The following MBOAT7 variants were observed in gnomAD, a reference collection of about 807,000 sequenced individuals.
MBOAT7 encodes the protein membrane-bound acylglycerophosphatidylinositol O-acyltransferase MBOAT7.
In MBOAT7, 40 loss-of-function variants were observed where a neutral mutation model predicts 47.4. The ratio of observed to expected loss-of-function variants is 0.84; its 90% confidence interval spans 0.66 to 1.10. MBOAT7 has a LOEUF of 1.10. Ranked by LOEUF, MBOAT7 falls within the 50% of genes least tolerant of loss-of-function variation. The pLI is 0.00. For synonymous variants in MBOAT7, 361 were observed against 292.0 expected, an observed-to-expected ratio of 1.24 and a Z score of -2.41; for missense variants, 680 against 655.6, an observed-to-expected ratio of 1.04 and a Z score of -0.41.
At chr19:54,182,009 GGGAA>G (rs1344181007) in intron 5 of MBOAT7, among the ~76,000 whole-genome samples, 3 of 107,450 alleles carry the variant, frequency 2.8e-5, no homozygotes, top group African/African-American at 6.7e-5. Context: ...GAGGGAAGGA[GGGAA>G]GGAAGGAGGG....
intron 4 of MBOAT7, chr19:54,186,940 A>G (rs1277794236): frequency 2.2e-5 from 13 of 587,212 alleles, no homozygotes; most frequent in Admixed American, 6.4e-5. Flanking sequence ...CTGTTACCCT[A>G]TGTGGGTTAT....
At chr19:54,185,555 C>T (rs898996142) in intron 4 of MBOAT7, among the ~76,000 whole-genome samples, 3 of 152,194 alleles carry the variant, frequency 2.0e-5, no homozygotes, top group African/African-American at 7.2e-5. Flanking sequence ...CTACCCACAG[C>T]CAGCCAACGG....
intron 4 of MBOAT7, among the ~76,000 whole-genome samples, chr19:54,184,108 T>C (rs896472665): frequency 1.3e-5 from 2 of 151,364 alleles, no homozygotes; most frequent in Admixed American, 6.6e-5. Context: ...CACCAAATTG[T>C]TCAAGCCAAA....
Position 54,188,310 on chromosome 19 carries a change from C to T in MBOAT7, c.113G>A (p.Gly38Asp). The stretch of plus-strand genomic sequence containing the variant: ...ACAGGTGAACAGGGTGAGCCCCAGG[C>T]CCACAGCGGCTGCTCCCCATCTCTT... ...GLKRWGAAAVGLGLTLFTCGP... is the reference protein window; with the variant it reads ...GLKRWGAAAVDLGLTLFTCGP... Residue 38 changes from glycine to aspartate, a missense_variant, in exon 3 of 8, where the codon GGC becomes GAC. Gly to Asp is a moderately conservative substitution (Grantham distance 94). Transcript: ENST00000245615. The T allele has an allele frequency of 6.2e-7, 1 of 1,614,036 alleles. No homozygotes were observed. The highest frequency in any genetic ancestry group is 8.5e-7 in the Non-Finnish European group (1 of 1,179,970).
chr19:54,179,822 G>GAGT (rs2076214994), intron 6 of MBOAT7: 1 of 152,178 alleles, frequency 6.6e-6, no homozygotes, highest in South Asian at 2.1e-4. Flanking sequence ...CCCTAGCAGG[G>GAGT]AGTAGTAGTT....
At chr19:54,187,431 G>A (rs1296528121) in intron 3 of MBOAT7, 144 bp from the exon 4 acceptor site, 25 of 1,001,728 alleles carry the variant, frequency 2.5e-5, no homozygotes, top group Middle Eastern at 3.0e-4. Context: ...AGGACAGGAG[G>A]GTGGATGTAG....
At chr19:54,175,205 C>G (rs1015838676) in intron 7 of MBOAT7, among the ~76,000 whole-genome samples, 1 of 152,126 alleles carries the variant, frequency 6.6e-6, no homozygotes, top group Non-Finnish European at 1.5e-5. Context: ...GTCTCGATCT[C>G]CTGACCTCGT....
At position 54,178,946 on chromosome 19, in the gene MBOAT7, G is replaced by A; in HGVS notation, c.855-5C>T. On this transcript the variant is annotated splice_region_variant and splice_polypyrimidine_tract_variant and intron_variant, in intron 6 of 7. Transcript: ENST00000245615. ...AAGGAAGCCGCCTTCTCCGGACTGG[G>A]GGGTGGAGGATGAGGGTGGGGGACA... The A allele has an allele frequency of 1.9e-6, 3 of 1,612,322 alleles. No individual in the cohort carries two copies. The highest frequency in any genetic ancestry group is 2.5e-6 in the Non-Finnish European group (3 of 1,179,530).
At chr19:54,183,418 G>C (rs960887910) in intron 5 of MBOAT7, 103 bp downstream of exon 5, 2 of 1,347,684 alleles carry the variant, frequency 1.5e-6, no homozygotes, top group African/African-American at 1.5e-5. Flanking sequence ...CAGATGCTAG[G>C]ATGGAGGTTG....
Position 54,188,245 on chromosome 19 carries a change from T to TGA in MBOAT7, c.177_178insTC (p.Thr60SerfsTer50). 2 of 1,613,578 alleles carry TGA rather than the reference T, an allele frequency of 1.2e-6. No homozygotes were observed. The highest frequency in any genetic ancestry group is 2.2e-5 in the East Asian group (1 of 44,850). ...GGCTGGGCCTGAATGAGGGCCCAGG[T>TGA]CCCGAGGATGGTGACCAGAGAATGC... On this transcript the variant is annotated frameshift_variant, in exon 3 of 8. Coordinates refer to ENST00000245615, the MANE Select transcript of MBOAT7 (RefSeq NM_024298.5). LOFTEE classifies it high-confidence loss of function.
intron 4 of MBOAT7, among the ~76,000 whole-genome samples, chr19:54,184,051 C>T (rs1184229376): frequency 6.6e-6 from 1 of 152,132 alleles, no homozygotes; most frequent in African/African-American, 2.4e-5. Flanking sequence ...ATGTTACCCA[C>T]CCCACAAGGT....
intron 7 of MBOAT7, among the ~76,000 whole-genome samples, chr19:54,176,994 C>G (rs371451522): frequency 6.6e-6 from 1 of 151,808 alleles, no homozygotes; most frequent in Admixed American, 6.6e-5. Context: ...GGCCGAGGCA[C>G]GCGGATCACT....
At chr19:54,188,398 C>CG in intron 2 of MBOAT7, 35 bp downstream of exon 2, 2 of 1,584,700 alleles carry the variant, frequency 1.3e-6, no homozygotes, top group Non-Finnish European at 1.7e-6. Context: ...GGGTCCCCCC[C>CG]CTTTATTTTC....
chr19:54,175,817 T>A (rs7259361), intron 7 of MBOAT7, among the ~76,000 whole-genome samples: 1 of 151,988 alleles, frequency 6.6e-6, no homozygotes, highest in Non-Finnish European at 1.5e-5. Context: ...CTCTGCCTCC[T>A]GGGTTCAAGT....
chr19:54,184,782 T>C (rs1324305552), intron 4 of MBOAT7, among the ~76,000 whole-genome samples: 1 of 151,706 alleles, frequency 6.6e-6, no homozygotes, highest in African/African-American at 2.4e-5. Context: ...TGAGTGCCTG[T>C]AATTCCAGCT....
At chr19:54,178,389 C>T (rs2076169447) in intron 7 of MBOAT7, 1 of 1,168,608 alleles carries the variant, frequency 8.6e-7, no homozygotes, top group African/African-American at 1.6e-5. Flanking sequence ...ACCTATGAAA[C>T]CAGTAATAAA....
At chr19:54,182,080 G>A (rs1232667057) in intron 5 of MBOAT7, among the ~76,000 whole-genome samples, 1 of 150,438 alleles carries the variant, frequency 6.6e-6, no homozygotes, top group Middle Eastern at 3.4e-3. Context: ...GAGGGAAGGA[G>A]GAAGGAAAGA....
chr19:54,181,429 G>A (rs2076268021), intron 5 of MBOAT7, among the ~76,000 whole-genome samples: 1 of 151,882 alleles, frequency 6.6e-6, no homozygotes, highest in South Asian at 2.1e-4. Context: ...GCCTAGCTGG[G>A]AGGACTGCTT....
chr19:54,179,111 C>A lies in MBOAT7; in HGVS notation c.855-170G>T. ...GCAAGGGAGGGTGGCCCAGAGGGTG[C>A]CTGTAGGGTAGGAAGGTGGGTGGGC... On this transcript the variant is annotated intron_variant, in intron 6 of 7. Coordinates refer to ENST00000245615, the MANE Select transcript of MBOAT7 (RefSeq NM_024298.5). 9.3e-6 allele frequency: 8 copies of A among 859,644 alleles called. No individual in the cohort carries two copies. The South Asian group carries it at 1.0e-4, about 11-fold the overall frequency. The allele number at this position is 859,644 out of a possible 1,614,324, so 53.3% of individuals were successfully genotyped here. A position where few individuals can be genotyped will look rare whatever the true frequency, so the allele number is the denominator to read the frequency against.
Sources: gnomAD v4.1 joint callset for allele counts (sites outside exome capture counted in the v4.1 genomes callset) on GRCh38, gnomAD v4.1.1 for gene constraint, MANE v1.5 for transcripts, NCBI Gene and HGNC (gene_info 2026-07-23, HGNC 2026-07-21) for gene names.